The following PHTF2 variants were observed in gnomAD, a reference collection of about 807,000 sequenced individuals.
PHTF2 encodes the protein putative homeodomain transcription factor 2, also known as protein PHTF2.
PHTF2 carries 60 observed loss-of-function variants against 101.2 expected under a neutral mutation model. The observed-to-expected ratio is 0.59, with a 90% CI of 0.48 to 0.73. The LOEUF (loss-of-function observed/expected upper bound fraction) is 0.73, where lower values mean the gene tolerates loss of function less well. PHTF2 is among the 30% of genes least tolerant of loss of function. The pLI is 0.00. For missense variants in PHTF2, 747 were observed against 908.7 expected, an observed-to-expected ratio of 0.82 and a Z score of 2.29; for synonymous variants, 311 against 307.3, an observed-to-expected ratio of 1.01 and a Z score of -0.13.
intron 3 of PHTF2, among the ~76,000 whole-genome samples, chr7:77,892,413 A>G (rs1233988645): frequency 6.6e-6 from 1 of 152,226 alleles, no homozygotes; most frequent in African/African-American, 2.4e-5. Flanking sequence ...TGAAATTGAG[A>G]TATAAAAAAT....
intron 9 of PHTF2, among the ~76,000 whole-genome samples, chr7:77,913,775 G>A (rs1005337741): frequency 1.3e-5 from 2 of 152,110 alleles, no homozygotes; most frequent in East Asian, 1.9e-4. Context: ...TTTCACTTTA[G>A]TGTTAAAAAC....
In PHTF2 at chr7:77,906,724, C is replaced by T. The variant is rs576083383; in HGVS notation, c.446-2069C>T. ...CCTTTTAAAATTAGAGTTAATGGCA[C>T]GGTGAAACCCCATCTCTACTAAAAA... On this transcript the variant is annotated intron_variant, in intron 7 of 19. Coordinates refer to ENST00000416283, the Ensembl canonical transcript of PHTF2. 4.6e-5 allele frequency among the ~76,000 whole-genome samples: 7 copies of T among 151,942 alleles called. No homozygotes were observed. The East Asian group carries it at 9.7e-4, about 21-fold the overall frequency.
At chr7:77,828,239 A>AT (rs1374531405) in intron 1 of PHTF2, among the ~76,000 whole-genome samples, 4 of 152,308 alleles carry the variant, frequency 2.6e-5, no homozygotes, top group East Asian at 3.9e-4. Flanking sequence ...TTCATTACTG[A>AT]TTTTTCTAAG....
chr7:77,836,683 C>T (rs1795498778), intron 1 of PHTF2, among the ~76,000 whole-genome samples: 1 of 152,048 alleles, frequency 6.6e-6, no homozygotes, highest in African/African-American at 2.4e-5. Context: ...ATGGATGATG[C>T]TGGAAACCAT....
At chr7:77,822,228 C>T (rs1037382751) in intron 1 of PHTF2, among the ~76,000 whole-genome samples, 1 of 152,140 alleles carries the variant, frequency 6.6e-6, no homozygotes, top group Admixed American at 6.5e-5. Flanking sequence ...GTTGGTTTCC[C>T]TGCTGTGCAG....
chr7:77,805,507 TGAAACATTTATTCTTCTG>T (rs1239001642), intron 1 of PHTF2, among the ~76,000 whole-genome samples: 2 of 152,248 alleles, frequency 1.3e-5, no homozygotes, highest in Non-Finnish European at 2.9e-5. Flanking sequence ...GCTCATAATT[TGAAACATTTATTCTTCTG>T]GAAAATGAGT....
chr7:77,829,004 C>T (rs754382978), intron 1 of PHTF2, among the ~76,000 whole-genome samples: 18 of 151,838 alleles, frequency 1.2e-4, no homozygotes, highest in Non-Finnish European at 2.2e-4. Context: ...TGAGACCCGG[C>T]CCCACAAGAA....
At chr7:77,951,372 T>C (rs1350204329) in intron 17 of PHTF2, among the ~76,000 whole-genome samples, 2 of 152,204 alleles carry the variant, frequency 1.3e-5, no homozygotes, top group Non-Finnish European at 2.9e-5. Context: ...ATAAAGTGTC[T>C]CACCTTTTAA....
At chr7:77,934,542 G>T (rs1804905591) in intron 12 of PHTF2, among the ~76,000 whole-genome samples, 1 of 152,226 alleles carries the variant, frequency 6.6e-6, no homozygotes, top group Non-Finnish European at 1.5e-5. Flanking sequence ...GAGCAAAGCA[G>T]TTGAGATTTT....
chr7:77,873,497 T>C (rs947754472), intron 3 of PHTF2, among the ~76,000 whole-genome samples: 1 of 152,172 alleles, frequency 6.6e-6, no homozygotes, highest in African/African-American at 2.4e-5. Flanking sequence ...AGTCTAGTTA[T>C]AGTTCTAGAA....
At chr7:77,899,611 C>T (rs1801196440) in intron 5 of PHTF2, among the ~76,000 whole-genome samples, 1 of 152,146 alleles carries the variant, frequency 6.6e-6, no homozygotes, top group South Asian at 2.1e-4. Context: ...AGATTAATTG[C>T]ATATTGGTTT....
intron 2 of PHTF2, among the ~76,000 whole-genome samples, chr7:77,844,699 A>G (rs1190923150): frequency 6.6e-6 from 1 of 151,868 alleles, no homozygotes; most frequent in Admixed American, 6.6e-5. Flanking sequence ...TAATTTTTGT[A>G]TTTTTAGTAG....
chr7:77,954,618 A>G lies in PHTF2; in HGVS notation c.2338-240A>G, dbSNP rs1024987784. On this transcript the variant is annotated intron_variant, in intron 19 of 19. Transcript: ENST00000416283. ...CATATTAAACAAGTACTGTGTATAT[A>G]TATATATATATATATATATATATAT... Among the ~76,000 whole-genome samples, 306 of 112,532 alleles carry G rather than the reference A, an allele frequency of 2.7e-3. 1 individual carries two copies. The East Asian group carries it at 0.035, about 13-fold the overall frequency. The allele number at this position is 112,532 out of a possible 152,430, so 73.8% of individuals were successfully genotyped here.
At chr7:77,953,190 ATGTACCTT>A (rs1806706364) in intron 18 of PHTF2, among the ~76,000 whole-genome samples, 1 of 152,162 alleles carries the variant, frequency 6.6e-6, no homozygotes, top group African/African-American at 2.4e-5. Flanking sequence ...TGCTTTTTAT[ATGTACCTT>A]TGAAATGGGA....
At chr7:77,933,186 C>T (rs1398008174) in intron 12 of PHTF2, among the ~76,000 whole-genome samples, 3 of 151,990 alleles carry the variant, frequency 2.0e-5, no homozygotes, top group Non-Finnish European at 4.4e-5. Context: ...TGCAGTGAGC[C>T]GAGATGGCAC....
chr7:77,886,134 G>GAT (rs1003545841), intron 3 of PHTF2, among the ~76,000 whole-genome samples: 2 of 152,088 alleles, frequency 1.3e-5, no homozygotes, highest in African/African-American at 4.8e-5. Flanking sequence ...TTAAACTATT[G>GAT]ATAACTACCT....
At chr7:77,883,867 A>T (rs533130244) in intron 3 of PHTF2, among the ~76,000 whole-genome samples, 1 of 152,340 alleles carries the variant, frequency 6.6e-6, no homozygotes, top group Admixed American at 6.5e-5. Context: ...TTAGCAATTT[A>T]AAAGTGAAAT....
intron 1 of PHTF2, among the ~76,000 whole-genome samples, chr7:77,836,365 G>A (rs1000089989): frequency 4.6e-5 from 7 of 152,124 alleles, no homozygotes; most frequent in South Asian, 2.1e-4. Context: ...ACATGTAAGC[G>A]GACCAGCGCA....
intron 3 of PHTF2, among the ~76,000 whole-genome samples, chr7:77,890,621 T>G (rs1378834408): frequency 7.5e-5 from 11 of 146,294 alleles, no homozygotes; most frequent in African/African-American, 1.0e-4. Context: ...TTTTTTTTTT[T>G]TTGAGATGGA....
Sources: gnomAD v4.1 joint callset for allele counts (sites outside exome capture counted in the v4.1 genomes callset) on GRCh38, gnomAD v4.1.1 for gene constraint, MANE v1.5 for transcripts, NCBI Gene and HGNC (gene_info 2026-07-23, HGNC 2026-07-21) for gene names.